The following IDO2 variants were observed in gnomAD, a reference collection of about 807,000 sequenced individuals.
IDO2 encodes indoleamine 2,3-dioxygenase-like 1 protein.
A neutral mutation model predicts 45.1 loss-of-function variants in IDO2; 46 were observed. The observed-to-expected ratio is 1.02, with a 90% CI of 0.80 to 1.30. The LOEUF (loss-of-function observed/expected upper bound fraction) is 1.30, where lower values mean the gene tolerates loss of function less well. Ranked by LOEUF, IDO2 falls within the 50% of genes most tolerant of loss-of-function variation. IDO2 has a pLI of 0.00. For missense variants in IDO2, 544 were observed against 491.8 expected (o/e 1.11, Z -1.00); for synonymous variants, 218 against 184.9 (o/e 1.18, Z -1.45).
chr8:39,946,244 C>T (rs7838771), intron 1 of IDO2, among the ~76,000 whole-genome samples: 1 of 152,148 alleles, frequency 6.6e-6, no homozygotes, highest in Admixed American at 6.5e-5. Context: ...AGCTTTGACT[C>T]TCTATGATTT....
intron 10 of IDO2, among the ~76,000 whole-genome samples, chr8:40,014,777 G>T (rs750510269): frequency 6.6e-6 from 1 of 152,102 alleles, no homozygotes. Flanking sequence ...ATTTGAGTAC[G>T]TGAAGTCTGC....
chr8:39,936,195 C>G (rs16888369), intron 1 of IDO2, among the ~76,000 whole-genome samples: 5,747 of 152,178 alleles, frequency 0.038, 296 homozygotes, highest in African/African-American at 0.12. Flanking sequence ...CTCTATTTTA[C>G]AAGGTCATCT....
chr8:39,970,616 T>C (rs1808162935), intron 3 of IDO2, among the ~76,000 whole-genome samples: 1 of 152,080 alleles, frequency 6.6e-6, no homozygotes, highest in Admixed American at 6.5e-5. Flanking sequence ...GGTCTTGAAC[T>C]CCTGACCTCA....
At chr8:40,004,003 A>G (rs1361980306) in intron 8 of IDO2, among the ~76,000 whole-genome samples, 2 of 152,226 alleles carry the variant, frequency 1.3e-5, no homozygotes, top group African/African-American at 2.4e-5. Flanking sequence ...TTTCACACCT[A>G]TTGAAATGGT....
chr8:39,952,386 C>T lies in IDO2; in HGVS notation c.99+3122C>T, dbSNP rs1296058634. ...TTAGATGAAACTCTTTTAGAAGTTCCTTCAGTATCTCTTTTGGTTTCTCAC... is the reference window on the plus strand; with the variant it reads ...TTAGATGAAACTCTTTTAGAAGTTCTTTCAGTATCTCTTTTGGTTTCTCAC... On this transcript the variant is annotated intron_variant, in intron 2 of 10. Transcript: ENST00000502986. Among the ~76,000 whole-genome samples, 5 of 152,154 alleles carry T rather than the reference C, an allele frequency of 3.3e-5. No individual in the cohort carries two copies. In the South Asian group the frequency reaches 8.3e-4, roughly 25 times the overall value.
At chr8:39,994,576 G>T (rs1218138061) in intron 8 of IDO2, among the ~76,000 whole-genome samples, 2 of 152,000 alleles carry the variant, frequency 1.3e-5, no homozygotes, top group African/African-American at 4.8e-5. Context: ...TTTAAATAGG[G>T]TTAGAAAGTG....
rs1014575334 is a variant in IDO2, at chr8:40,013,796, A to G, written c.868+83A>G. ...TTTTTTTTTCCAATTGATAAAACCAAATATAAATTAAAATGTCATGAAGTT... is the reference window on the plus strand; with the variant it reads ...TTTTTTTTTCCAATTGATAAAACCAGATATAAATTAAAATGTCATGAAGTT... On this transcript the variant is annotated intron_variant, in intron 10 of 10. Coordinates refer to ENST00000502986, the Ensembl canonical transcript of IDO2. The G allele has an allele frequency of 4.9e-6, 5 of 1,024,562 alleles. No individual in the cohort carries two copies. The African/African-American group carries it at 8.2e-5, about 17-fold the overall frequency. The allele number at this position is 1,024,562 out of a possible 1,614,324, so 63.5% of individuals were successfully genotyped here.
chr8:39,957,211 T>A (rs998837537), intron 2 of IDO2, among the ~76,000 whole-genome samples: 2 of 152,160 alleles, frequency 1.3e-5, no homozygotes, highest in African/African-American at 4.8e-5. Context: ...CCCACTTCAA[T>A]CCACCTTCAT....
At chr8:39,984,784 A>G (rs1365654189) in intron 5 of IDO2, among the ~76,000 whole-genome samples, 2 of 152,326 alleles carry the variant, frequency 1.3e-5, no homozygotes, top group Non-Finnish European at 2.9e-5. Flanking sequence ...ACATCAATGC[A>G]GGCTTTACAA....
At chr8:40,002,684 G>T (rs561856928) in intron 8 of IDO2, among the ~76,000 whole-genome samples, 1 of 152,106 alleles carries the variant, frequency 6.6e-6, no homozygotes, top group Non-Finnish European at 1.5e-5. Flanking sequence ...GGAGGCTGAG[G>T]CAGGAGAATC....
chr8:39,955,618 T>C (rs1013305917), intron 2 of IDO2, among the ~76,000 whole-genome samples: 1 of 152,038 alleles, frequency 6.6e-6, no homozygotes, highest in Admixed American at 6.6e-5. Flanking sequence ...ACTCTGACGA[T>C]AGCCATGATC....
At position 39,949,155 on chromosome 8, in the gene IDO2, C is replaced by T; in HGVS notation, c.-11C>T. ...AGTGACACTTTCCATGCAGATACTT[C>T]AAACAAAATAATGGAGCCCCACAGA... On this transcript the variant is annotated 5_prime_UTR_variant, in exon 2 of 11. The change creates a premature stop within an existing upstream ORF in the 5' untranslated region. Coordinates refer to ENST00000502986, the Ensembl canonical transcript of IDO2. The T allele has an allele frequency of 6.2e-7, 1 of 1,602,078 alleles. No individual in the cohort carries two copies. The highest frequency in any genetic ancestry group is 1.7e-4 in the Middle Eastern group (1 of 6,046).
chr8:39,979,065 A>G lies in IDO2; in HGVS notation c.196-2A>G, dbSNP rs1357529844. On this transcript the variant is annotated splice_acceptor_variant, in intron 3 of 10. Transcript: ENST00000502986. LOFTEE classifies it high-confidence loss of function. ...TGACGGCATTTGGACTTTCATGAACAGATGCCCCTGCTGAGCTGCCAGTTC... is the reference window on the plus strand; with the variant it reads ...TGACGGCATTTGGACTTTCATGAACGGATGCCCCTGCTGAGCTGCCAGTTC... The G allele has an allele frequency of 3.8e-6, 6 of 1,576,892 alleles. No individual in the cohort carries two copies. Among genetic ancestry groups the G allele is most frequent in the Non-Finnish European group, 4.3e-6 (5 of 1,161,464 alleles).
chr8:39,963,540 A>C, intron 2 of IDO2, 68 bp from the exon 3 acceptor site: 1 of 852,078 alleles, frequency 1.2e-6, no homozygotes, highest in Non-Finnish European at 1.9e-6. Flanking sequence ...AAATGTGAAA[A>C]TAGCTACTCT....
chr8:39,956,656 G>A (rs1413702080), intron 2 of IDO2, among the ~76,000 whole-genome samples: 3 of 152,092 alleles, frequency 2.0e-5, no homozygotes, highest in Non-Finnish European at 2.9e-5. Context: ...GTTGAAGTTT[G>A]TTTATAAAAT....
At chr8:39,954,011 C>CT (rs1421690027) in intron 2 of IDO2, among the ~76,000 whole-genome samples, 2 of 152,198 alleles carry the variant, frequency 1.3e-5, no homozygotes, top group African/African-American at 4.8e-5. Context: ...CTAGTTTCAA[C>CT]TTAATAACCC....
At chr8:39,975,780 C>G (rs536835580) in intron 3 of IDO2, among the ~76,000 whole-genome samples, 17 of 152,138 alleles carry the variant, frequency 1.1e-4, no homozygotes, top group Non-Finnish European at 2.1e-4. Context: ...TTAGAGCTTC[C>G]TAGGCCTGTG....
chr8:40,005,275 C>T lies in IDO2; in HGVS notation c.668-52C>T, dbSNP rs778054053. 9 of 1,329,324 alleles carry T rather than the reference C, an allele frequency of 6.8e-6. No individual in the cohort carries two copies. In the South Asian group the frequency reaches 8.5e-5, roughly 13 times the overall value. The allele number at this position is 1,329,324 out of a possible 1,614,324, so 82.3% of individuals were successfully genotyped here. A position where few individuals can be genotyped will look rare whatever the true frequency, so the allele number is the denominator to read the frequency against. On this transcript the variant is annotated intron_variant, in intron 8 of 10. Transcript: ENST00000502986. ...AGCAGCAGGGCCCATGCACATGTAA[C>T]CAATTGCTTTCTTTGCCTGTAGTAA...
At chr8:40,006,171 C>T (rs1297306678) in intron 9 of IDO2, among the ~76,000 whole-genome samples, 4 of 152,144 alleles carry the variant, frequency 2.6e-5, no homozygotes, top group African/African-American at 7.2e-5. Context: ...TTTGACTTAC[C>T]ATTTTTTGAC....
Sources: allele counts gnomAD v4.1 joint callset (sites outside exome capture counted in the v4.1 genomes callset), GRCh38; gene constraint gnomAD v4.1.1; transcripts MANE v1.5; gene names NCBI Gene and HGNC (gene_info 2026-07-23, HGNC 2026-07-21).